SH3BP2: variants seen among roughly 807,000 people sequenced by gnomAD.
SH3BP2 encodes the protein SH3 domain binding protein 2.
SH3BP2 carries 38 observed loss-of-function variants against 56.2 expected under a neutral mutation model. The ratio of observed to expected loss-of-function variants is 0.68; its 90% confidence interval spans 0.52 to 0.89. The LOEUF is 0.89. SH3BP2 is among the 40% of genes least tolerant of loss of function. The pLI, the probability that SH3BP2 is intolerant of heterozygous loss-of-function variation, is 0.00. For synonymous variants in SH3BP2, 346 were observed against 316.7 expected (o/e 1.09, Z -0.98); for missense variants, 748 against 762.6 (o/e 0.98, Z 0.23).
rs1159334376 is a variant in SH3BP2, at chr4:2,810,248, C to G, written c.-4-10366C>G. Among the ~76,000 whole-genome samples, 1 of 151,944 alleles carries G rather than the reference C, an allele frequency of 6.6e-6. No homozygotes were observed. The highest frequency in any genetic ancestry group is 1.5e-5 in the Non-Finnish European group (1 of 67,962). On this transcript the variant is annotated intron_variant, in intron 1 of 12. Transcript: ENST00000503393. This position sits in a 1 kb window ranked among gnomAD's most constrained non-coding sequence, Gnocchi z 4.2. ...TGGGAAGATAGGGTTGGGGAAGGGG[C>G]TGGTGTGGATTTGTCCCCCACCCCC...
At chr4:2,812,308 G>C in intron 1 of SH3BP2, 1 of 1,549,024 alleles carries the variant, frequency 6.5e-7, no homozygotes, top group Non-Finnish European at 8.7e-7. Context: ...GCAGGAGTGA[G>C]CTGTGGGCAC....
At chr4:2,802,137 A>G (rs374042000) in intron 1 of SH3BP2, among the ~76,000 whole-genome samples, 12 of 144,386 alleles carry the variant, frequency 8.3e-5, no homozygotes, top group East Asian at 8.2e-4. Context: ...AGTGGCTCAC[A>G]CTTGTAATCC....
intron 8 of SH3BP2, among the ~76,000 whole-genome samples, chr4:2,830,503 A>G (rs1724926770): frequency 6.6e-6 from 1 of 152,192 alleles, no homozygotes; most frequent in Admixed American, 6.5e-5. Flanking sequence ...CTGGGACTAC[A>G]GGCACCTGCC....
At position 2,833,595 on chromosome 4, in the gene SH3BP2, C is replaced by T. The variant is rs1193929994; in HGVS notation, c.1549-102C>T. The T allele has an allele frequency of 5.4e-5, 80 of 1,475,026 alleles. 2 individuals carry two copies. The highest frequency in any genetic ancestry group is 6.7e-5 in the Non-Finnish European group (72 of 1,081,692). 91.4% of individuals were successfully genotyped at this position (1,475,026 alleles called of 1,614,324 possible). ...CAGCCAGGGGCCAGCCTGGTGATGCCGCTGTTGATGCTGCTGCCTTGTTTT... is the reference window on the plus strand; with the variant it reads ...CAGCCAGGGGCCAGCCTGGTGATGCTGCTGTTGATGCTGCTGCCTTGTTTT... On this transcript the variant is annotated intron_variant, in intron 12 of 12. Transcript: ENST00000503393.
chr4:2,829,424 C>G lies in SH3BP2; in HGVS notation c.587-69C>G, dbSNP rs1160468984. ...TGCACTCCTGGTTGGCCTGGCTGAC[C>G]ACTGCCAGCAGAGGATAGTGTTGGC... is the stretch of plus-strand genomic sequence containing the variant. On this transcript the variant is annotated intron_variant, in intron 7 of 12. Coordinates refer to ENST00000503393, the MANE Select transcript of SH3BP2 (RefSeq NM_001122681.2). This position sits in a 1 kb window ranked among gnomAD's most constrained non-coding sequence, Gnocchi z 4.9. 6.4e-7 allele frequency: 1 copy of G among 1,558,080 alleles called. No individual in the cohort carries two copies. Among genetic ancestry groups the G allele is most frequent in the East Asian group, 2.2e-5 (1 of 44,658 alleles).
intron 5 of SH3BP2, 129 bp from the exon 6 acceptor site, chr4:2,827,101 G>T (rs778770746): frequency 4.0e-6 from 3 of 744,144 alleles, no homozygotes; most frequent in Non-Finnish European, 7.2e-6. Flanking sequence ...GTGTTTGTCA[G>T]TGTATCCGTG....
At chr4:2,832,946 G>C (rs775295625) in intron 11 of SH3BP2, 44 bp from the exon 12 acceptor site, 4 of 1,598,360 alleles carry the variant, frequency 2.5e-6, no homozygotes, top group African/African-American at 1.3e-5. Context: ...GGCTGGTCCC[G>C]CTGTTTCTCA....
At chr4:2,814,903 C>G (rs1311613863) in intron 1 of SH3BP2, 1 of 152,286 alleles carries the variant, frequency 6.6e-6, no homozygotes, top group Non-Finnish European at 1.5e-5. Context: ...ACTGAAGCAC[C>G]CAGAGAGCTG....
At chr4:2,818,561 G>T (rs913086805) in intron 1 of SH3BP2, among the ~76,000 whole-genome samples, 27 of 152,178 alleles carry the variant, frequency 1.8e-4, no homozygotes, top group Non-Finnish European at 3.1e-4. Flanking sequence ...GCGGGCGGAT[G>T]GGGGACTCAG....
In SH3BP2 at chr4:2,831,716, G is replaced by A. The variant is rs935210223; in HGVS notation, c.1350+37G>A. 1 of 1,522,222 alleles carries A rather than the reference G, an allele frequency of 6.6e-7. No individual in the cohort carries two copies. Among genetic ancestry groups the A allele is most frequent in the South Asian group, 1.2e-5 (1 of 85,308 alleles). 94.3% of individuals were successfully genotyped at this position (1,522,222 alleles called of 1,614,324 possible). On this transcript the variant is annotated intron_variant, in intron 9 of 12. Coordinates refer to ENST00000503393, the MANE Select transcript of SH3BP2 (RefSeq NM_001122681.2). This position sits in a 1 kb window ranked among gnomAD's most constrained non-coding sequence, Gnocchi z 4.1. ...CGGCAAGCCTGGGTCCCAGTGGCCA[G>A]TAGGTGGACAGGTGGTGGGAAAGCC...
rs907019445 is a variant in SH3BP2, at chr4:2,831,656, G to A, written c.1327G>A (p.Asp443Asn). The A allele has an allele frequency of 5.0e-6, 8 of 1,590,508 alleles. No individual in the cohort carries two copies. The highest frequency in any genetic ancestry group is 1.3e-5 in the African/African-American group (1 of 74,258). ...QPSQADTGGD[D>N]SDEDYEKVPL... is the part of the protein sequence containing the mutation. ...CTCACAGGCTGACACTGGCGGGGACGACTCGGACGAGGACTATGAGAAGGC... is the reference window on the plus strand; with the variant it reads ...CTCACAGGCTGACACTGGCGGGGACAACTCGGACGAGGACTATGAGAAGGC... Residue 443 changes from aspartate to asparagine, a missense_variant, in exon 9 of 13, where the codon GAC becomes AAC. By Grantham distance (23) the Asp-to-Asn change is conservative (BLOSUM62 1). Transcript: ENST00000503393. This position sits in a 1 kb window ranked among gnomAD's most constrained non-coding sequence, Gnocchi z 4.1.
rs1256959690 is a variant in SH3BP2, at chr4:2,835,114, G to A, written c.*1280G>A. The A allele has an allele frequency of 6.6e-6, 1 of 152,196 alleles. No individual in the cohort carries two copies. Among genetic ancestry groups the A allele is most frequent in the Non-Finnish European group, 1.5e-5 (1 of 68,054 alleles). 9.4% of individuals were successfully genotyped at this position (152,196 alleles called of 1,614,324 possible). A position where few individuals can be genotyped will look rare whatever the true frequency, so the allele number is the denominator to read the frequency against. ...AGACTCAGGGAGGTAGGGGCTGGCA[G>A]GGACCCTAGAATCCTTGTGATTTTT... On this transcript the variant is annotated 3_prime_UTR_variant, in exon 13 of 13. Transcript: ENST00000503393.
chr4:2,799,983 G>T (rs1481201701), intron 1 of SH3BP2, among the ~76,000 whole-genome samples: 1 of 152,038 alleles, frequency 6.6e-6, no homozygotes, highest in Non-Finnish European at 1.5e-5. Flanking sequence ...GACCACTGCC[G>T]AACATACGCC....
At chr4:2,821,508 C>G (rs1401772777) in intron 2 of SH3BP2, among the ~76,000 whole-genome samples, 2 of 152,232 alleles carry the variant, frequency 1.3e-5, no homozygotes, top group African/African-American at 4.8e-5. Flanking sequence ...CTAGGGGTGG[C>G]CCCACACCAG....
chr4:2,822,311 G>A (rs1010977729), intron 2 of SH3BP2, among the ~76,000 whole-genome samples: 1 of 152,126 alleles, frequency 6.6e-6, no homozygotes, highest in Admixed American at 6.5e-5. Flanking sequence ...GTATGCCACC[G>A]TGTCCGGCTA....
chr4:2,807,643 G>A (rs552883568), intron 1 of SH3BP2, among the ~76,000 whole-genome samples: 2 of 152,194 alleles, frequency 1.3e-5, no homozygotes, highest in Non-Finnish European at 2.9e-5. Flanking sequence ...CAGGTCCAGT[G>A]TCGGGGGCCC....
intron 1 of SH3BP2, among the ~76,000 whole-genome samples, chr4:2,800,251 C>T (rs1459879924): frequency 6.6e-6 from 1 of 152,148 alleles, no homozygotes; most frequent in African/African-American, 2.4e-5. Context: ...CAGTCTCCCT[C>T]CTCCTTGGCT....
In SH3BP2 at chr4:2,829,622, C is replaced by T. The variant is rs770940629; in HGVS notation, c.716C>T (p.Pro239Leu). 1 of 1,612,728 alleles carries T rather than the reference C, an allele frequency of 6.2e-7. No homozygotes were observed. Residue 239 changes from proline to leucine, a missense_variant, in exon 8 of 13, where the codon CCC becomes CTC. This residue lies in a region of SH3BP2 where 635 missense variants were observed against 615.0 expected (regional missense o/e 1.03). Transcript: ENST00000503393. The surrounding 1 kb of genome is among the most constrained non-coding windows in gnomAD (Gnocchi z 4.9). Reference protein sequence around the residue: ...KGPGPLLPPPPPKHGLPDVGL... With the variant: ...KGPGPLLPPPLPKHGLPDVGL... ...CCCGGTCCCCTACTGCCACCCCCGCCCCCTAAGCACGGCCTCCCAGATGTT... is the reference window on the plus strand; with the variant it reads ...CCCGGTCCCCTACTGCCACCCCCGCTCCCTAAGCACGGCCTCCCAGATGTT...
rs1725026887 is a variant in SH3BP2, at chr4:2,832,236, G to A, written c.1407-95G>A. 8 of 1,172,948 alleles carry A rather than the reference G, an allele frequency of 6.8e-6. No homozygotes were observed. The South Asian group carries it at 7.3e-5, about 11-fold the overall frequency. 72.7% of individuals were successfully genotyped at this position (1,172,948 alleles called of 1,614,324 possible). On this transcript the variant is annotated intron_variant, in intron 10 of 12. Coordinates refer to ENST00000503393, the MANE Select transcript of SH3BP2 (RefSeq NM_001122681.2). ...CAGCTCCTGAGACCTACAACAGCGAGAGGACAGAAAGCCAGGCTTGGGAGC... is the reference window on the plus strand; with the variant it reads ...CAGCTCCTGAGACCTACAACAGCGAAAGGACAGAAAGCCAGGCTTGGGAGC...
Sources: gnomAD v4.1 joint callset for allele counts (sites outside exome capture counted in the v4.1 genomes callset) on GRCh38, gnomAD v4.1.1 for gene constraint, gnomAD v4.1.1 regional missense constraint, Gnocchi (gnomAD v3.1) non-coding constraint, MANE v1.5 for transcripts, NCBI Gene and HGNC (gene_info 2026-07-23, HGNC 2026-07-21) for gene names.